The following MAPK10 variants were observed in gnomAD, a reference collection of about 807,000 sequenced individuals.
The protein encoded by MAPK10 is mitogen-activated protein kinase 10.
In MAPK10, 25 loss-of-function variants were observed where a neutral mutation model predicts 59.3. The ratio of observed to expected loss-of-function variants is 0.42; its 90% CI spans 0.31 to 0.59. The LOEUF (loss-of-function observed/expected upper bound fraction) is 0.59. Ranked by LOEUF, MAPK10 falls within the 20% of genes least tolerant of loss-of-function variation. The probability of loss-of-function intolerance (pLI) is 0.15; values close to 1 mark genes in which losing one functional copy is unlikely to be tolerated. For missense variants in MAPK10, 351 were observed against 568.9 expected (o/e 0.62, Z 3.90); for synonymous variants, 190 against 200.5 (o/e 0.95, Z 0.44).
intron 9 of MAPK10, among the ~76,000 whole-genome samples, chr4:86,074,728 C>G (rs1561351974): frequency 7.0e-6 from 1 of 142,350 alleles, no homozygotes; most frequent in Admixed American, 7.0e-5. Context: ...AGCCCCCACT[C>G]TCTTCTGGCT....
chr4:86,175,742 A>G (rs2075546213), intron 3 of MAPK10, among the ~76,000 whole-genome samples: 1 of 152,126 alleles, frequency 6.6e-6, no homozygotes, highest in Admixed American at 6.6e-5. Flanking sequence ...AATCTCTATT[A>G]TTTATAAATT....
chr4:86,119,400 A>T (rs1190407595), intron 4 of MAPK10: 3 of 152,238 alleles, frequency 2.0e-5, no homozygotes, highest in Admixed American at 2.0e-4. Context: ...GTTTGAGATC[A>T]GCCTGGCCAA....
At chr4:86,203,807 G>T (rs915031893) in intron 2 of MAPK10, among the ~76,000 whole-genome samples, 8 of 151,364 alleles carry the variant, frequency 5.3e-5, no homozygotes, top group African/African-American at 1.9e-4. Context: ...AAGACCAGAT[G>T]AAAAATATGC....
intron 2 of MAPK10, among the ~76,000 whole-genome samples, chr4:86,269,001 G>A (rs909674900): frequency 1.3e-5 from 2 of 152,030 alleles, no homozygotes; most frequent in African/African-American, 4.8e-5. Flanking sequence ...TTACATATAC[G>A]GTAATGATTT....
At chr4:86,470,425 C>T (rs1228682317) in intron 1 of MAPK10, among the ~76,000 whole-genome samples, 1 of 152,080 alleles carries the variant, frequency 6.6e-6, no homozygotes, top group African/African-American at 2.4e-5. Flanking sequence ...GATATTTTAA[C>T]ATTTATGTCT....
intron 3 of MAPK10, among the ~76,000 whole-genome samples, chr4:86,178,519 A>G (rs1336184226): frequency 6.6e-6 from 1 of 152,110 alleles, no homozygotes; most frequent in Non-Finnish European, 1.5e-5. Context: ...AGTACATTTT[A>G]TAGGTACTCA....
chr4:86,347,639 G>T (rs1018282218), intron 2 of MAPK10, among the ~76,000 whole-genome samples: 9 of 152,154 alleles, frequency 5.9e-5, no homozygotes, highest in African/African-American at 1.9e-4. Context: ...AGTTCTGGAG[G>T]CTGGTAAGTC....
chr4:86,569,856 C>A (rs1761329737), intron 1 of MAPK10, among the ~76,000 whole-genome samples: 1 of 152,032 alleles, frequency 6.6e-6, no homozygotes, highest in African/African-American at 2.4e-5. Context: ...CAGTACAATG[C>A]ACACTATTCA....
intron 1 of MAPK10, among the ~76,000 whole-genome samples, chr4:86,451,564 A>G (rs960331459): frequency 9.9e-5 from 15 of 152,206 alleles, no homozygotes; most frequent in Admixed American, 2.6e-4. Flanking sequence ...TTTAAGAAAA[A>G]GTGTTTCCAG....
chr4:86,478,855 C>T (rs995303660), intron 1 of MAPK10, among the ~76,000 whole-genome samples: 11 of 152,196 alleles, frequency 7.2e-5, no homozygotes, highest in Non-Finnish European at 1.0e-4. Flanking sequence ...TAGCCTGCCT[C>T]TTAGAACCTC....
Position 86,012,350 on chromosome 4 carries a change from CT to C in MAPK10, c.*4877del, listed in dbSNP as rs1462705944. On this transcript the variant is annotated 3_prime_UTR_variant, in exon 14 of 14. Transcript: ENST00000641462. ...CACAATCAGACCACACTACAAGTTT[CT>C]TTTACCAGTTGCCAAAATGAAATCA... is the stretch of plus-strand genomic sequence containing the variant. 1 of 152,148 alleles carries C rather than the reference CT, an allele frequency of 6.6e-6. No homozygotes were observed. Among genetic ancestry groups the C allele is most frequent in the Non-Finnish European group, 1.5e-5 (1 of 68,018 alleles). 9.4% of individuals were successfully genotyped at this position (152,148 alleles called of 1,614,324 possible).
intron 13 of MAPK10, among the ~76,000 whole-genome samples, chr4:86,022,830 C>G (rs1416769489): frequency 1.3e-5 from 2 of 152,146 alleles, no homozygotes; most frequent in African/African-American, 4.8e-5. Flanking sequence ...TTTATATAAT[C>G]TGGGTACAAG....
chr4:86,322,483 TA>T (rs34168022), intron 2 of MAPK10, among the ~76,000 whole-genome samples: 1 of 151,968 alleles, frequency 6.6e-6, no homozygotes, highest in South Asian at 2.1e-4. Context: ...ACGATGCCTA[TA>T]AAAAAGTCTA....
At chr4:86,118,159 C>T (rs1465273931) in intron 4 of MAPK10, among the ~76,000 whole-genome samples, 2 of 152,186 alleles carry the variant, frequency 1.3e-5, no homozygotes, top group Non-Finnish European at 2.9e-5. Context: ...TCTGTAATTC[C>T]TCAGTGATTA....
chr4:86,146,432 A>G (rs73837427), intron 4 of MAPK10, among the ~76,000 whole-genome samples: 3,896 of 152,314 alleles, frequency 0.026, 163 homozygotes, highest in African/African-American at 0.088. Flanking sequence ...TAGACATTTT[A>G]GAGAGGGCAA....
rs571432698 is a variant in MAPK10 at position 86,298,841 on chromosome 4, T to C, written c.-7+55689A>G. ...AACTTAAAGCAGATCATGAGAACAG[T>C]GGTTTTGATTCAGTTCTCTGTAGAG... On this transcript the variant is annotated intron_variant, in intron 2 of 13. Transcript: ENST00000641462. Among the ~76,000 whole-genome samples the C allele has an allele frequency of 2.0e-5, 3 of 152,290 alleles. No individual in the cohort carries two copies. The East Asian group carries it at 5.8e-4, about 29-fold the overall frequency.
intron 1 of MAPK10, among the ~76,000 whole-genome samples, chr4:86,497,199 T>C (rs911835192): frequency 2.0e-5 from 3 of 152,238 alleles, no homozygotes; most frequent in Non-Finnish European, 2.9e-5. Flanking sequence ...AGGTACTTTA[T>C]GGTTCTACTG....
At chr4:86,073,523 G>C (rs1445852927) in intron 9 of MAPK10, among the ~76,000 whole-genome samples, 2 of 118,030 alleles carry the variant, frequency 1.7e-5, no homozygotes, top group African/African-American at 6.2e-5. Context: ...TTTCTCTTGT[G>C]GGCATTTAGT....
chr4:86,419,361 C>T (rs559151169), intron 1 of MAPK10, among the ~76,000 whole-genome samples: 1 of 152,082 alleles, frequency 6.6e-6, no homozygotes, highest in South Asian at 2.1e-4. Context: ...TAAAATATTA[C>T]CTTGCATACA....
Sources: gnomAD v4.1 joint callset for allele counts (sites outside exome capture counted in the v4.1 genomes callset) on GRCh38, gnomAD v4.1.1 for gene constraint, MANE v1.5 for transcripts, NCBI Gene and HGNC (gene_info 2026-07-23, HGNC 2026-07-21) for gene names.